The following PARD3 variants were observed in gnomAD, a reference collection of about 807,000 sequenced individuals.
PARD3 encodes the protein par-3 family cell polarity regulator, also known as partitioning defective 3 homolog.
PARD3 carries 75 observed loss-of-function variants against 155.4 expected under a neutral mutation model. The observed-to-expected ratio is 0.48, with a 90% CI of 0.40 to 0.58. The LOEUF is 0.58. Ranked by LOEUF, PARD3 falls within the 20% of genes least tolerant of loss-of-function variation. The pLI is 0.00. For missense variants in PARD3, 1,642 were observed against 1,721.7 expected, an observed-to-expected ratio of 0.95 and a Z score of 0.82; for synonymous variants, 576 against 610.5, an observed-to-expected ratio of 0.94 and a Z score of 0.83.
chr10:34,591,367 G>C (rs2088660240), intron 2 of PARD3, among the ~76,000 whole-genome samples: 1 of 152,106 alleles, frequency 6.6e-6, no homozygotes. Context: ...AAGGAAAACA[G>C]ATACAGGAAA....
At chr10:34,450,206 T>A (rs1043177556) in intron 5 of PARD3, 111 bp downstream of exon 5, 2 of 1,010,878 alleles carry the variant, frequency 2.0e-6, no homozygotes, top group African/African-American at 3.2e-5. Context: ...TAAAGTTTGT[T>A]AGAATAATTA....
intron 22 of PARD3, among the ~76,000 whole-genome samples, chr10:34,161,625 T>C (rs1053522262): frequency 2.0e-5 from 3 of 152,114 alleles, no homozygotes; most frequent in African/African-American, 7.2e-5. Context: ...ACCAGCACCA[T>C]GACGGTTGAC....
intron 2 of PARD3, among the ~76,000 whole-genome samples, chr10:34,542,417 C>A (rs936233925): frequency 6.6e-6 from 1 of 152,070 alleles, no homozygotes. Context: ...CAGTATAGGT[C>A]AGGGAAACTG....
chr10:34,336,944 T>C (rs1002694575), intron 17 of PARD3, among the ~76,000 whole-genome samples: 17 of 152,020 alleles, frequency 1.1e-4, no homozygotes, highest in African/African-American at 4.1e-4. Flanking sequence ...AAATACAATT[T>C]CAATGAAATT....
chr10:34,785,575 G>A (rs372639966), intron 1 of PARD3, among the ~76,000 whole-genome samples: 27 of 152,036 alleles, frequency 1.8e-4, no homozygotes, highest in Admixed American at 4.6e-4. Flanking sequence ...GCGAGACCAT[G>A]TCTACAAAAA....
chr10:34,646,023 A>T (rs986541479), intron 2 of PARD3, among the ~76,000 whole-genome samples: 8 of 152,250 alleles, frequency 5.3e-5, no homozygotes, highest in African/African-American at 1.9e-4. Flanking sequence ...GAACTAGGCC[A>T]GAACCCCCAA....
At chr10:34,513,176 G>A (rs2081501387) in intron 3 of PARD3, among the ~76,000 whole-genome samples, 1 of 152,152 alleles carries the variant, frequency 6.6e-6, no homozygotes, top group South Asian at 2.1e-4. Flanking sequence ...TTATAATTGT[G>A]TAAAAGATAA....
chr10:34,345,158 A>G (rs1202151448), intron 15 of PARD3: 1 of 985,240 alleles, frequency 1.0e-6, no homozygotes, highest in Non-Finnish European at 1.2e-6. Context: ...AAAACAAAGT[A>G]AAACAAAAAA....
chr10:34,407,484 A>T (rs1015908945), intron 5 of PARD3, among the ~76,000 whole-genome samples: 7 of 152,246 alleles, frequency 4.6e-5, no homozygotes, highest in Admixed American at 3.3e-4. Context: ...GCCCCAGAGA[A>T]GCCAGTGTCT....
At chr10:34,506,316 A>G (rs1245813195) in intron 3 of PARD3, among the ~76,000 whole-genome samples, 1 of 152,162 alleles carries the variant, frequency 6.6e-6, no homozygotes, top group East Asian at 1.9e-4. Flanking sequence ...CAGTTATGCC[A>G]TGAGTACAGA....
intron 2 of PARD3, among the ~76,000 whole-genome samples, chr10:34,614,257 C>T (rs1313771884): frequency 6.6e-6 from 1 of 152,148 alleles, no homozygotes; most frequent in African/African-American, 2.4e-5. Flanking sequence ...GAGGAAGGAC[C>T]AGGAACCTGG....
At chr10:34,184,843 G>A (rs770091446) in intron 22 of PARD3, among the ~76,000 whole-genome samples, 4 of 152,064 alleles carry the variant, frequency 2.6e-5, no homozygotes, top group Non-Finnish European at 4.4e-5. Context: ...TCATCTTTTG[G>A]AGGAGATAAG....
intron 20 of PARD3, among the ~76,000 whole-genome samples, chr10:34,301,814 CTTTCTTTTTT>C (rs869112913): frequency 2.3e-4 from 19 of 83,080 alleles, no homozygotes; most frequent in Non-Finnish European, 2.7e-4. Context: ...GTTCTTTCTC[CTTTCTTTTTT>C]TTTTTTTTTT....
chr10:34,560,983 T>A (rs191418197), intron 2 of PARD3, among the ~76,000 whole-genome samples: 1 of 152,144 alleles, frequency 6.6e-6, no homozygotes. Context: ...AAACCACTAT[T>A]TGGGATAAGC....
intron 1 of PARD3, among the ~76,000 whole-genome samples, chr10:34,731,554 G>A (rs2094817531): frequency 1.3e-5 from 2 of 152,130 alleles, no homozygotes; most frequent in South Asian, 2.1e-4. Flanking sequence ...TTTTGAGGTC[G>A]TAAAATAAAA....
chr10:34,185,599 A>G (rs1172951244), intron 22 of PARD3, among the ~76,000 whole-genome samples: 1 of 152,010 alleles, frequency 6.6e-6, no homozygotes, highest in Non-Finnish European at 1.5e-5. Context: ...TATATGCAAC[A>G]CAGACACGGC....
intron 3 of PARD3, among the ~76,000 whole-genome samples, chr10:34,514,736 ATTTTAAC>A (rs2081604954): frequency 6.6e-6 from 1 of 152,236 alleles, no homozygotes. Flanking sequence ...CACCATTTAA[ATTTTAAC>A]ACATAAGGCC....
At chr10:34,677,575 T>C (rs2093732408) in intron 2 of PARD3, among the ~76,000 whole-genome samples, 1 of 152,052 alleles carries the variant, frequency 6.6e-6, no homozygotes, top group Admixed American at 6.6e-5. Context: ...TAAGTGTCCA[T>C]TCTATAAACC....
chr10:34,152,628 A>G (rs1180949198), intron 22 of PARD3, among the ~76,000 whole-genome samples: 1 of 152,170 alleles, frequency 6.6e-6, no homozygotes, highest in African/African-American at 2.4e-5. Context: ...AAGTACTTCA[A>G]TGTGTGCTGA....
Sources: gnomAD v4.1 joint callset for allele counts (sites outside exome capture counted in the v4.1 genomes callset) on GRCh38, gnomAD v4.1.1 for gene constraint, MANE v1.5 for transcripts, NCBI Gene and HGNC (gene_info 2026-07-23, HGNC 2026-07-21) for gene names.